Variants in EIF2AK2 observed in about 807,000 individuals in gnomAD.
The protein encoded by EIF2AK2 is interferon-induced, double-stranded RNA-activated protein kinase.
Under a neutral mutation model 70.5 loss-of-function variants are expected in EIF2AK2, and 40 were observed. That is an observed-to-expected ratio of 0.57 (90% CI 0.44 to 0.74). The LOEUF (loss-of-function observed/expected upper bound fraction) is 0.74, where lower values mean the gene tolerates loss of function less well. Among genes scored for constraint, EIF2AK2 ranks in the 30% least tolerant of loss-of-function variants. EIF2AK2 has a pLI of 0.00. For synonymous variants in EIF2AK2, 198 were observed against 220.9 expected (o/e 0.90, Z 0.92); for missense variants, 555 against 644.3 (o/e 0.86, Z 1.50).
chr2:37,125,048 T>C (rs904106974), intron 11 of EIF2AK2, among the ~76,000 whole-genome samples: 2 of 152,116 alleles, frequency 1.3e-5, no homozygotes, highest in African/African-American at 4.8e-5. Flanking sequence ...GTTTCGCTTT[T>C]GTTGCCCAGG....
At chr2:37,149,189 C>A in intron 1 of EIF2AK2, 166 bp from the exon 2 acceptor site, 1 of 1,097,746 alleles carries the variant, frequency 9.1e-7, no homozygotes, top group Non-Finnish European at 1.4e-6. Context: ...CTATGCTTGT[C>A]GTGCCTGTGG....
At position 37,122,490 on chromosome 2, in the gene EIF2AK2, A is replaced by T. The variant is rs745426827; in HGVS notation, c.1067+16T>A. ...CTTCCATCCTATTATGGCTATGAGAATTTATTTTTAGTTACCTTGAACTAT... is the reference window on the plus strand; with the variant it reads ...CTTCCATCCTATTATGGCTATGAGATTTTATTTTTAGTTACCTTGAACTAT... On this transcript the variant is annotated intron_variant, in intron 12 of 16. Coordinates refer to ENST00000233057, the MANE Select transcript of EIF2AK2 (RefSeq NM_001135651.3). The T allele has an allele frequency of 1.2e-6, 2 of 1,611,900 alleles. No individual in the cohort carries two copies. Among genetic ancestry groups the T allele is most frequent in the African/African-American group, 1.3e-5 (1 of 74,876 alleles).
rs1675339036 is a variant in EIF2AK2, at chr2:37,141,704, A to G, written c.241-3T>C. ...GTCAATAATAAAGGACTAACTGCCT[A>G]CAAAGAAAAAAAATTCCTGTTTAAT... is the stretch of plus-strand genomic sequence containing the variant. On this transcript the variant is annotated splice_polypyrimidine_tract_variant and splice_region_variant and intron_variant, in intron 4 of 16. Transcript: ENST00000233057. 1.3e-6 allele frequency: 2 copies of G among 1,595,050 alleles called. No homozygotes were observed. The highest frequency in any genetic ancestry group is 2.2e-5 in the East Asian group (1 of 44,732).
At chr2:37,109,407 CTATT>C in intron 14 of EIF2AK2, 112 bp from the exon 15 acceptor site, 3 of 849,538 alleles carry the variant, frequency 3.5e-6, no homozygotes, top group South Asian at 3.6e-5. Context: ...AAAACAATGT[CTATT>C]TATTAGCAAA....
In EIF2AK2 at chr2:37,102,370, T is replaced by C. The variant is rs1673847647; in HGVS notation, c.*4903A>G. On this transcript the variant is annotated 3_prime_UTR_variant, in exon 17 of 17. Coordinates refer to ENST00000233057, the MANE Select transcript of EIF2AK2 (RefSeq NM_001135651.3). ...TGATGGGTAGAGTTTCATTATTCTA[T>C]TTTTGTGTATGTTTGAACATAAAGA... 1 of 152,220 alleles carries C rather than the reference T, an allele frequency of 6.6e-6. No individual in the cohort carries two copies. The highest frequency in any genetic ancestry group is 1.5e-5 in the Non-Finnish European group (1 of 68,030). The allele number at this position is 152,220 out of a possible 1,614,324, so 9.4% of individuals were successfully genotyped here.
rs1673948375 is a variant in EIF2AK2 at position 37,105,872 on chromosome 2, CTTCTAGCCCTG to C, written c.*1390_*1400del. On this transcript the variant is annotated 3_prime_UTR_variant, in exon 17 of 17. Coordinates refer to ENST00000233057, the MANE Select transcript of EIF2AK2 (RefSeq NM_001135651.3). Reference sequence around the variant, plus strand: ...AGTTGGAAGGCCCACTGGGCTGTCACTTCTAGCCCTGTGCTCAGCAGAAAGCCATCTTACCC... The same window carrying C: ...AGTTGGAAGGCCCACTGGGCTGTCACTGCTCAGCAGAAAGCCATCTTACCC... 1 of 152,266 alleles carries C rather than the reference CTTCTAGCCCTG, an allele frequency of 6.6e-6. No homozygotes were observed. Among genetic ancestry groups the C allele is most frequent in the South Asian group, 2.1e-4 (1 of 4,828 alleles). The allele number at this position is 152,266 out of a possible 1,614,324, so 9.4% of individuals were successfully genotyped here.
chr2:37,115,226 T>G (rs985825699), intron 13 of EIF2AK2: 123 of 192,706 alleles, frequency 6.4e-4, no homozygotes, highest in South Asian at 1.4e-3. Context: ...TTTTTTTTTT[T>G]TTTTTTTTTT....
chr2:37,126,197 A>C, intron 11 of EIF2AK2, 92 bp downstream of exon 11: 1 of 1,431,164 alleles, frequency 7.0e-7, no homozygotes, highest in Admixed American at 2.5e-5. Flanking sequence ...GAAATAAATG[A>C]TACCCTAATA....
rs1673862472 is a variant in EIF2AK2 at position 37,102,962 on chromosome 2, T to C, written c.*4311A>G. The C allele has an allele frequency of 6.6e-6, 1 of 151,962 alleles. No homozygotes were observed. The highest frequency in any genetic ancestry group is 2.4e-5 in the African/African-American group (1 of 41,332). The allele number at this position is 151,962 out of a possible 1,614,324, so 9.4% of individuals were successfully genotyped here. A position where few individuals can be genotyped will look rare whatever the true frequency, so the allele number is the denominator to read the frequency against. On this transcript the variant is annotated 3_prime_UTR_variant, in exon 17 of 17. Transcript: ENST00000233057. ...TGATAAAAATTCCCTAAAAGGTATG[T>C]TTCTAGGGAGGCAATTATATTAAAA...
intron 10 of EIF2AK2, among the ~76,000 whole-genome samples, chr2:37,132,488 C>T (rs1291138686): frequency 6.6e-6 from 1 of 152,178 alleles, no homozygotes; most frequent in African/African-American, 2.4e-5. Flanking sequence ...ACTCAGGAGG[C>T]TGAGGCAGGA....
chr2:37,126,454 AC>A, intron 10 of EIF2AK2, 43 bp from the exon 11 acceptor site: 1 of 1,574,168 alleles, frequency 6.4e-7, no homozygotes, highest in East Asian at 2.3e-5. Context: ...TTCATGCTCA[AC>A]CCCCACCCCC....
chr2:37,143,309 G>C (rs1037257568), intron 4 of EIF2AK2, among the ~76,000 whole-genome samples: 1 of 151,432 alleles, frequency 6.6e-6, no homozygotes, highest in African/African-American at 2.4e-5. Flanking sequence ...CTGCAGTCAA[G>C]TCTTTCTTTA....
Position 37,109,309 on chromosome 2 carries a change from A to G in EIF2AK2, c.1378-14T>C, listed in dbSNP as rs1674067717. ...TTGCGAAGAAATCTAAAGAGACCAA[A>G]ATAGATTTACCTTTGTTATGCTCCT... On this transcript the variant is annotated splice_polypyrimidine_tract_variant and intron_variant, in intron 14 of 16. Coordinates refer to ENST00000233057, the MANE Select transcript of EIF2AK2 (RefSeq NM_001135651.3). The G allele has an allele frequency of 1.2e-6, 2 of 1,606,448 alleles. No individual in the cohort carries two copies. Among genetic ancestry groups the G allele is most frequent in the East Asian group, 4.5e-5 (2 of 44,808 alleles).
chr2:37,120,077 C>A lies in EIF2AK2; in HGVS notation c.1130G>T (p.Trp377Leu), dbSNP rs1404726266. ...EFCDKGTLEQ[W>L]IEKRRGEKLD... ...TTTCTCGCCTCTTCTTTTTTCAATC[C>A]ATTGTTCCAAGGTCCCTTTATCACA... The change falls in exon 13 of 17, where the codon TGG becomes TTG. Residue 377 changes from tryptophan to leucine, a missense_variant. Physicochemically the swap from Trp to Leu is moderately conservative, Grantham distance 61. Coordinates refer to ENST00000233057, the MANE Select transcript of EIF2AK2 (RefSeq NM_001135651.3). 1.3e-6 allele frequency: 2 copies of A among 1,531,978 alleles called. No individual in the cohort carries two copies. The highest frequency in any genetic ancestry group is 1.8e-6 in the Non-Finnish European group (2 of 1,134,558). 94.9% of individuals were successfully genotyped at this position (1,531,978 alleles called of 1,614,324 possible).
chr2:37,146,574 C>A (rs1233096948), intron 4 of EIF2AK2, among the ~76,000 whole-genome samples: 2 of 152,224 alleles, frequency 1.3e-5, no homozygotes, highest in African/African-American at 2.4e-5. Flanking sequence ...TCATTTCCCA[C>A]TGAACACTTC....
At chr2:37,111,877 AAATATATATATATATATATATATAT>A (rs1674164891) in intron 14 of EIF2AK2, among the ~76,000 whole-genome samples, 1 of 34,826 alleles carries the variant, frequency 2.9e-5, no homozygotes, top group African/African-American at 8.7e-5. Context: ...AAAAAAAAAA[AAATATATATATATATATATATATAT>A]ATATATATAT....
At position 37,119,955 on chromosome 2, in the gene EIF2AK2, T is replaced by C; in HGVS notation, c.1248+4A>G. 2.9e-6 allele frequency: 4 copies of C among 1,383,312 alleles called. No individual in the cohort carries two copies. Among genetic ancestry groups the C allele is most frequent in the Non-Finnish European group, 2.9e-6 (3 of 1,048,026 alleles). The allele number at this position is 1,383,312 out of a possible 1,614,324, so 85.7% of individuals were successfully genotyped here. A position where few individuals can be genotyped will look rare whatever the true frequency, so the allele number is the denominator to read the frequency against. On this transcript the variant is annotated splice_donor_region_variant and intron_variant, in intron 13 of 16. Coordinates refer to ENST00000233057, the MANE Select transcript of EIF2AK2 (RefSeq NM_001135651.3). ...TCAATTAATAAAGTACATTTTCCAC[T>C]TACCTTAAGATCTCTATGAATTAAT...
At chr2:37,116,236 T>C (rs1674337602) in intron 13 of EIF2AK2, among the ~76,000 whole-genome samples, 1 of 151,874 alleles carries the variant, frequency 6.6e-6, no homozygotes, top group Non-Finnish European at 1.5e-5. Context: ...TTGTTTGTTT[T>C]TGAGACAGTG....
intron 10 of EIF2AK2, among the ~76,000 whole-genome samples, chr2:37,126,965 C>CGG (rs1674752632): frequency 1.5e-4 from 1 of 6,760 alleles, no homozygotes; most frequent in African/African-American, 6.0e-4. Context: ...CTCAAAAAAA[C>CGG]AGAAAAAAAA....
Sources: allele counts gnomAD v4.1 joint callset (sites outside exome capture counted in the v4.1 genomes callset), GRCh38; gene constraint gnomAD v4.1.1; transcripts MANE v1.5; gene names NCBI Gene and HGNC (gene_info 2026-07-23, HGNC 2026-07-21).